The following ARHGEF26 variants were observed in gnomAD, a reference collection of about 807,000 sequenced individuals.
The protein encoded by ARHGEF26 is Rho guanine nucleotide exchange factor (GEF) 26.
ARHGEF26 carries 59 observed loss-of-function variants against 89.4 expected under a neutral mutation model. That is an observed-to-expected ratio of 0.66 (90% CI 0.54 to 0.82). ARHGEF26 has a LOEUF of 0.82. Among genes scored for constraint, ARHGEF26 ranks in the 40% least tolerant of loss-of-function variants. The probability of loss-of-function intolerance (pLI) is 0.00; values close to 1 mark genes in which losing one functional copy is unlikely to be tolerated. For missense variants in ARHGEF26, 1,234 were observed against 1,085.6 expected, an observed-to-expected ratio of 1.14 and a Z score of -1.92; for synonymous variants, 500 against 428.4, an observed-to-expected ratio of 1.17 and a Z score of -2.06.
At chr3:154,224,195 T>C (rs1289326014) in intron 10 of ARHGEF26, among the ~76,000 whole-genome samples, 1 of 152,220 alleles carries the variant, frequency 6.6e-6, no homozygotes, top group Non-Finnish European at 1.5e-5. Flanking sequence ...CATTTTAATA[T>C]CTCTTCTTTA....
At chr3:154,249,219 G>A (rs189578550) in intron 12 of ARHGEF26, among the ~76,000 whole-genome samples, 140 of 152,278 alleles carry the variant, frequency 9.2e-4, no homozygotes, top group African/African-American at 3.2e-3. Context: ...CTGCAGCCCT[G>A]TCTCTGTGAT....
intron 10 of ARHGEF26, among the ~76,000 whole-genome samples, chr3:154,223,547 A>G (rs778603383): frequency 4.6e-5 from 7 of 152,212 alleles, no homozygotes; most frequent in Non-Finnish European, 1.0e-4. Flanking sequence ...TGCCTTGTGG[A>G]TGAACCTTGG....
intron 12 of ARHGEF26, among the ~76,000 whole-genome samples, chr3:154,241,298 C>T (rs1379516659): frequency 6.6e-6 from 1 of 152,136 alleles, no homozygotes; most frequent in African/African-American, 2.4e-5. Flanking sequence ...TATATTGGGT[C>T]AGAGAGTGGA....
chr3:154,164,685 C>G (rs1179172556), intron 6 of ARHGEF26, among the ~76,000 whole-genome samples: 1 of 152,114 alleles, frequency 6.6e-6, no homozygotes, highest in Non-Finnish European at 1.5e-5. Context: ...ATGACCAGAA[C>G]AGGGCACAAT....
intron 11 of ARHGEF26, among the ~76,000 whole-genome samples, chr3:154,238,560 T>C (rs936434198): frequency 4.6e-5 from 7 of 152,232 alleles, no homozygotes; most frequent in African/African-American, 1.7e-4. Flanking sequence ...TGGCCTGTTC[T>C]GAAATTCCTC....
At chr3:154,187,925 A>G (rs2108178434) in intron 7 of ARHGEF26, 88 bp downstream of exon 7, 1 of 1,256,486 alleles carries the variant, frequency 8.0e-7, no homozygotes, top group Non-Finnish European at 1.1e-6. Flanking sequence ...CTTTTGAATT[A>G]TATTTAGAAA....
At chr3:154,166,394 CAT>C (rs967929739) in intron 6 of ARHGEF26, among the ~76,000 whole-genome samples, 2 of 152,012 alleles carry the variant, frequency 1.3e-5, no homozygotes, top group Non-Finnish European at 2.9e-5. Context: ...AGGTAGCAAA[CAT>C]ATGAATAACC....
intron 6 of ARHGEF26, among the ~76,000 whole-genome samples, chr3:154,180,075 G>T (rs1338194381): frequency 6.6e-6 from 1 of 152,052 alleles, no homozygotes; most frequent in Non-Finnish European, 1.5e-5. Flanking sequence ...AAAGCCTACT[G>T]TGTACCATCT....
intron 6 of ARHGEF26, among the ~76,000 whole-genome samples, chr3:154,165,959 G>T (rs1356854413): frequency 1.3e-5 from 2 of 152,142 alleles, no homozygotes; most frequent in African/African-American, 4.8e-5. Flanking sequence ...ACTTAAATCA[G>T]GGTCTGGATG....
intron 12 of ARHGEF26, among the ~76,000 whole-genome samples, chr3:154,241,163 G>A (rs962225006): frequency 2.6e-5 from 4 of 152,230 alleles, no homozygotes; most frequent in Admixed American, 2.0e-4. Flanking sequence ...CATTGGATGA[G>A]TGGCAGTGAG....
rs188704812 is a variant in ARHGEF26, at chr3:154,212,114, G to A, written c.1846-5755G>A. On this transcript the variant is annotated intron_variant, in intron 9 of 14. Transcript: ENST00000465093. ...AGCACTTTGGGAGGCTGAGGTAGGC[G>A]TATTGCTTGAGCCCAGGAGTTCGAG... 4.0e-3 allele frequency among the ~76,000 whole-genome samples: 611 copies of A among 152,274 alleles called. 1 individual carries two copies. Among genetic ancestry groups the A allele is most frequent in the Middle Eastern group, 0.017 (5 of 294 alleles).
intron 10 of ARHGEF26, among the ~76,000 whole-genome samples, chr3:154,220,957 A>C (rs536571122): frequency 1.6e-4 from 24 of 152,292 alleles, no homozygotes; most frequent in African/African-American, 4.1e-4. Context: ...TATAAAATCA[A>C]AATGATAAGA....
intron 9 of ARHGEF26, among the ~76,000 whole-genome samples, chr3:154,203,104 T>TGAAA (rs1714760637): frequency 1.3e-5 from 2 of 152,206 alleles, no homozygotes; most frequent in African/African-American, 4.8e-5. Context: ...CTTCCAGTTT[T>TGAAA]TGCCCATTCA....
At chr3:154,139,916 T>C (rs924732785) in intron 4 of ARHGEF26, among the ~76,000 whole-genome samples, 2 of 152,232 alleles carry the variant, frequency 1.3e-5, no homozygotes, top group African/African-American at 4.8e-5. Context: ...GGAAGTATTA[T>C]TGACAGTAAA....
At chr3:154,237,538 T>TCACACACACACACACACACACACACACA (rs71152796) in intron 11 of ARHGEF26, among the ~76,000 whole-genome samples, 1 of 143,202 alleles carries the variant, frequency 7.0e-6, no homozygotes, top group Non-Finnish European at 1.5e-5. Context: ...TGAGACTCCG[T>TCACACACACACACACACACACACACACA]CACACACACA....
intron 7 of ARHGEF26, among the ~76,000 whole-genome samples, chr3:154,188,825 A>G (rs1713758910): frequency 9.5e-6 from 1 of 105,486 alleles, no homozygotes. Flanking sequence ...TCTTCATGAC[A>G]TTTTCATATA....
chr3:154,228,006 T>C (rs1716594550), intron 11 of ARHGEF26, among the ~76,000 whole-genome samples: 1 of 152,236 alleles, frequency 6.6e-6, no homozygotes, highest in African/African-American at 2.4e-5. Context: ...AGGTATATGC[T>C]CTTCTACTTA....
chr3:154,151,682 T>A (rs999602270), intron 5 of ARHGEF26, among the ~76,000 whole-genome samples: 1 of 152,198 alleles, frequency 6.6e-6, no homozygotes, highest in African/African-American at 2.4e-5. Context: ...CCCAAGTCCC[T>A]AAACCTTACG....
At chr3:154,167,283 G>A (rs1200143904) in intron 6 of ARHGEF26, among the ~76,000 whole-genome samples, 1 of 152,170 alleles carries the variant, frequency 6.6e-6, no homozygotes, top group Admixed American at 6.6e-5. Flanking sequence ...AGCTTGACAA[G>A]CGAGGTCCTT....
Sources: gnomAD v4.1 joint callset for allele counts (sites outside exome capture counted in the v4.1 genomes callset) on GRCh38, gnomAD v4.1.1 for gene constraint, MANE v1.5 for transcripts, NCBI Gene and HGNC (gene_info 2026-07-23, HGNC 2026-07-21) for gene names.